The following PSMA1 variants were observed in gnomAD, a reference collection of about 807,000 sequenced individuals.
PSMA1 encodes proteasome 20S subunit alpha 1.
PSMA1 carries 3 observed loss-of-function variants against 38.4 expected under a neutral mutation model. The ratio of observed to expected loss-of-function variants is 0.08; its 90% confidence interval spans 0.04 to 0.20. The LOEUF (loss-of-function observed/expected upper bound fraction) is 0.20. Ranked by LOEUF, PSMA1 falls within the 10% of genes least tolerant of loss-of-function variation. The pLI, the probability that PSMA1 is intolerant of heterozygous loss-of-function variation, is 1.00. For synonymous variants in PSMA1, 101 were observed against 107.1 expected (o/e 0.94, Z 0.35); for missense variants, 227 against 325.3 (o/e 0.70, Z 2.32).
intron 2 of PSMA1, among the ~76,000 whole-genome samples, chr11:14,592,376 C>CTATATATA (rs71044013): frequency 1.6e-5 from 2 of 122,378 alleles, no homozygotes; most frequent in Admixed American, 8.1e-5. Context: ...CTCTCTCTCT[C>CTATATATA]TATATATATA....
intron 1 of PSMA1, among the ~76,000 whole-genome samples, chr11:14,641,152 A>G (rs1035255668): frequency 8.6e-5 from 13 of 151,936 alleles, no homozygotes; most frequent in Admixed American, 8.5e-4. Flanking sequence ...CGTTCTGCAC[A>G]TGTATCCCAG....
At chr11:14,593,661 A>AGAGAGAGAGC (rs1214268184) in intron 2 of PSMA1, among the ~76,000 whole-genome samples, 6 of 131,546 alleles carry the variant, frequency 4.6e-5, no homozygotes, top group African/African-American at 8.9e-5. Context: ...AGAGAGAGAG[A>AGAGAGAGAGC]GCGCCAGCCC....
intron 8 of PSMA1, among the ~76,000 whole-genome samples, chr11:14,510,541 T>G (rs1355030048): frequency 2.0e-5 from 3 of 152,224 alleles, no homozygotes. Context: ...TTGTTGTGTT[T>G]ACTGTATTTT....
chr11:14,571,607 A>G (rs532459306), intron 2 of PSMA1, among the ~76,000 whole-genome samples: 173 of 152,346 alleles, frequency 1.1e-3, no homozygotes, highest in African/African-American at 3.8e-3. Flanking sequence ...TGCATCAACT[A>G]ACGAGCAAAA....
chr11:14,535,727 G>C (rs1204090613), intron 2 of PSMA1, among the ~76,000 whole-genome samples: 1 of 152,084 alleles, frequency 6.6e-6, no homozygotes, highest in African/African-American at 2.4e-5. Flanking sequence ...TTACAGGCAT[G>C]AGCCACCCCA....
intron 2 of PSMA1, among the ~76,000 whole-genome samples, chr11:14,528,119 G>A (rs1462495771): frequency 6.6e-6 from 1 of 151,678 alleles, no homozygotes; most frequent in African/African-American, 2.4e-5. Flanking sequence ...AAAGGGGGAG[G>A]GAAACTCTGT....
intron 2 of PSMA1, among the ~76,000 whole-genome samples, chr11:14,527,827 G>T (rs1442487020): frequency 6.6e-6 from 1 of 152,086 alleles, no homozygotes; most frequent in East Asian, 1.9e-4. Context: ...ACCTCAAACT[G>T]CCACCCTTAA....
At chr11:14,627,688 AAG>A (rs1166352025) in intron 1 of PSMA1, among the ~76,000 whole-genome samples, 1 of 152,248 alleles carries the variant, frequency 6.6e-6, no homozygotes, top group Non-Finnish European at 1.5e-5. Context: ...GGATGAGAAT[AAG>A]AGGCTTAGAG....
chr11:14,534,956 C>T lies in PSMA1; in HGVS notation c.22-15915G>A, dbSNP rs1400650781. 6.6e-6 allele frequency among the ~76,000 whole-genome samples: 1 copy of T among 152,084 alleles called. No individual in the cohort carries two copies. Among genetic ancestry groups the T allele is most frequent in the Non-Finnish European group, 1.5e-5 (1 of 68,018 alleles). ...GGGCATGGTGGCAGACGCCTGTAAT[C>T]CCAGCTACTCGGGAGGCTGAGGCAG... On this transcript the variant is annotated intron_variant, in intron 2 of 10. Transcript: ENST00000418988. The surrounding 1 kb of genome is among the most constrained non-coding windows in gnomAD (Gnocchi z 4.5).
intron 2 of PSMA1, among the ~76,000 whole-genome samples, chr11:14,518,337 A>C (rs1039523572): frequency 1.3e-5 from 2 of 152,156 alleles, no homozygotes; most frequent in African/African-American, 2.4e-5. Context: ...AGACTCAAGC[A>C]ATCTACCTTC....
intron 2 of PSMA1, among the ~76,000 whole-genome samples, chr11:14,594,710 G>A (rs1852464288): frequency 6.6e-6 from 1 of 152,048 alleles, no homozygotes; most frequent in Non-Finnish European, 1.5e-5. Flanking sequence ...TCATATTACA[G>A]TTAAAGGTAA....
intron 2 of PSMA1, among the ~76,000 whole-genome samples, chr11:14,593,800 T>C (rs71482955): frequency 1.3e-5 from 2 of 152,194 alleles, no homozygotes; most frequent in Non-Finnish European, 2.9e-5. Flanking sequence ...CTCCAGTGGG[T>C]GAGTAGACAT....
At chr11:14,626,262 T>C (rs1852910872) in intron 1 of PSMA1, among the ~76,000 whole-genome samples, 1 of 152,190 alleles carries the variant, frequency 6.6e-6, no homozygotes, top group Admixed American at 6.5e-5. Context: ...CACTCAAGTG[T>C]GCCCTGAAGG....
intron 2 of PSMA1, among the ~76,000 whole-genome samples, chr11:14,547,086 C>CAGTAA (rs1851835617): frequency 6.6e-6 from 1 of 152,114 alleles, no homozygotes; most frequent in South Asian, 2.1e-4. Context: ...TACACAAATA[C>CAGTAA]AGTAAAATAA....
At position 14,513,919 on chromosome 11, in the gene PSMA1, G is replaced by A. The variant is rs202166634; in HGVS notation, c.344-32C>T. 2.7e-3 allele frequency: 4,277 copies of A among 1,560,054 alleles called. 19 individuals carry two copies. The highest frequency in any genetic ancestry group is 0.021 in the Middle Eastern group (89 of 4,240). ...CTGGTTAACGAGCTTGTTTTAACAA[G>A]GAATGAAGTACTGTCTTTATTTTCA... On this transcript the variant is annotated intron_variant, in intron 5 of 9. Coordinates refer to ENST00000396394, the MANE Select transcript of PSMA1 (RefSeq NM_002786.4).
intron 2 of PSMA1, among the ~76,000 whole-genome samples, chr11:14,592,367 T>G (rs960022718): frequency 9.1e-6 from 1 of 109,504 alleles, no homozygotes; most frequent in African/African-American, 4.0e-5. Context: ...TCTCTCTCTC[T>G]CTCTCTCTCT....
intron 1 of PSMA1, among the ~76,000 whole-genome samples, chr11:14,626,541 G>T (rs539478901): frequency 1.2e-4 from 18 of 152,220 alleles, no homozygotes; most frequent in African/African-American, 4.3e-4. Context: ...GTGTGTGCAT[G>T]CACATCATGA....
chr11:14,642,370 T>G (rs1009734910), intron 1 of PSMA1, among the ~76,000 whole-genome samples: 13 of 152,130 alleles, frequency 8.5e-5, no homozygotes, highest in African/African-American at 3.1e-4. Context: ...TAAAATGACC[T>G]TTTGAATTTT....
At chr11:14,556,881 G>A (rs1289501632) in intron 2 of PSMA1, among the ~76,000 whole-genome samples, 5 of 152,146 alleles carry the variant, frequency 3.3e-5, no homozygotes, top group Non-Finnish European at 5.9e-5. Context: ...TGTTGCCCAG[G>A]CTAGGGTACA....
Sources: gnomAD v4.1 joint callset for allele counts (sites outside exome capture counted in the v4.1 genomes callset) on GRCh38, gnomAD v4.1.1 for gene constraint, Gnocchi (gnomAD v3.1) non-coding constraint, MANE v1.5 for transcripts, NCBI Gene and HGNC (gene_info 2026-07-23, HGNC 2026-07-21) for gene names.